PLEKHG4B: variants seen among roughly 807,000 people sequenced by gnomAD.
The protein encoded by PLEKHG4B is pleckstrin homology and RhoGEF domain containing G4B.
Under a neutral mutation model 121.3 loss-of-function variants are expected in PLEKHG4B, and 111 were observed. The observed-to-expected ratio is 0.92, with a 90% confidence interval of 0.78 to 1.07. The LOEUF (loss-of-function observed/expected upper bound fraction) is 1.07. Among genes scored for constraint, PLEKHG4B ranks in the 50% least tolerant of loss-of-function variants. The pLI is 0.00. For missense variants in PLEKHG4B, 1,831 were observed against 1,757.8 expected (o/e 1.04, Z -0.74); for synonymous variants, 738 against 725.0 (o/e 1.02, Z -0.29).
intron 1 of PLEKHG4B, among the ~76,000 whole-genome samples, chr5:98,429 T>G (rs1215758036): frequency 8.4e-6 from 1 of 119,496 alleles, no homozygotes; most frequent in African/African-American, 3.6e-5. Flanking sequence ...CTGTAGCTTT[T>G]TTTTTTTTTT....
intron 2 of PLEKHG4B, among the ~76,000 whole-genome samples, chr5:122,437 T>TTTA (rs1734497151): frequency 6.7e-6 from 1 of 149,280 alleles, no homozygotes; most frequent in Admixed American, 6.8e-5. Flanking sequence ...TTATTTATTT[T>TTTA]TAGATGGAGT....
chr5:169,233 C>G, intron 13 of PLEKHG4B, 107 bp from the exon 14 acceptor site: 1 of 1,477,040 alleles, frequency 6.8e-7, no homozygotes, highest in Admixed American at 1.9e-5. Flanking sequence ...ACATGTGACC[C>G]TGCTCATCCC....
At chr5:105,087 C>T (rs999930489) in intron 1 of PLEKHG4B, among the ~76,000 whole-genome samples, 1 of 151,574 alleles carries the variant, frequency 6.6e-6, no homozygotes, top group Non-Finnish European at 1.5e-5. Flanking sequence ...CTGGTGTTCC[C>T]GTCCTGAAGG....
Position 139,552 on chromosome 5 carries a change from C to T in PLEKHG4B, c.313C>T (p.Gln105Ter), listed in dbSNP as rs1489886879. ...GTGCGCCCATGAGAAGGTGGTGGTGCAGCTGGCGTCCCTGCACGGAGTCAG... is the reference window on the plus strand; with the variant it reads ...GTGCGCCCATGAGAAGGTGGTGGTGTAGCTGGCGTCCCTGCACGGAGTCAG... Reference protein sequence around the residue: ...PLCAHEKVVVQLASLHGVRLQ... With the variant: ...PLCAHEKVVV The change falls in exon 3 of 20, where the codon CAG becomes TAG. Residue 105 changes from glutamine to a stop codon, truncating the protein, a stop_gained. Transcript: ENST00000637938. LOFTEE classifies it high-confidence loss of function. The surrounding 1 kb of genome is among the most constrained non-coding windows in gnomAD (Gnocchi z 5.0). 1 of 398,896 alleles carries T rather than the reference C, an allele frequency of 2.5e-6. No individual in the cohort carries two copies. The highest frequency in any genetic ancestry group is 3.6e-5 in the East Asian group (1 of 28,082). 24.7% of individuals were successfully genotyped at this position (398,896 alleles called of 1,614,324 possible). A position where few individuals can be genotyped will look rare whatever the true frequency, so the allele number is the denominator to read the frequency against.
At chr5:173,457 G>A (rs1333048721) in intron 17 of PLEKHG4B, among the ~76,000 whole-genome samples, 1 of 152,122 alleles carries the variant, frequency 6.6e-6, no homozygotes, top group East Asian at 1.9e-4. Flanking sequence ...GCTGTGCTGA[G>A]GGAGGGGAGG....
In PLEKHG4B at chr5:162,859, G is replaced by T; in HGVS notation, c.2787G>T (p.Lys929Asn). 6.6e-7 allele frequency: 1 copy of T among 1,518,210 alleles called. No homozygotes were observed. The highest frequency in any genetic ancestry group is 8.8e-7 in the Non-Finnish European group (1 of 1,132,302). 94.0% of individuals were successfully genotyped at this position (1,518,210 alleles called of 1,614,324 possible). The change falls in exon 13 of 20, where the codon AAG becomes AAT. Residue 929 changes from lysine to asparagine, a missense_variant. By Grantham distance (94) the Lys-to-Asn change is moderately conservative (BLOSUM62 0). Transcript: ENST00000637938. ...AFPGAGVAVLKPHALGKPWAS... is the reference protein window; with the variant it reads ...AFPGAGVAVLNPHALGKPWAS... ...CCGGGGCAGGTGTGGCAGTGCTGAAGCCTCATGCCCTGGGGAAACCGTGGG... is the reference window on the plus strand; with the variant it reads ...CCGGGGCAGGTGTGGCAGTGCTGAATCCTCATGCCCTGGGGAAACCGTGGG...
chr5:141,948 G>T (rs921606600), intron 3 of PLEKHG4B, among the ~76,000 whole-genome samples: 1 of 152,124 alleles, frequency 6.6e-6, no homozygotes, highest in Non-Finnish European at 1.5e-5. Flanking sequence ...CCAGGGGCTC[G>T]GAGGCAATGG....
intron 3 of PLEKHG4B, among the ~76,000 whole-genome samples, chr5:141,368 T>C (rs1735195110): frequency 6.7e-6 from 1 of 148,174 alleles, no homozygotes; most frequent in Non-Finnish European, 1.5e-5. Context: ...GGGCAGAGTG[T>C]GTTCCCCTCC....
intron 1 of PLEKHG4B, among the ~76,000 whole-genome samples, chr5:111,351 G>A (rs893031271): frequency 1.1e-4 from 16 of 152,268 alleles, no homozygotes; most frequent in Non-Finnish European, 1.8e-4. Flanking sequence ...TCCTGGGGAG[G>A]TGGTGCAGGT....
At chr5:93,411 T>C (rs1013301273) in intron 1 of PLEKHG4B, among the ~76,000 whole-genome samples, 4 of 152,072 alleles carry the variant, frequency 2.6e-5, no homozygotes, top group Non-Finnish European at 4.4e-5. Flanking sequence ...TCTCCGAGAT[T>C]CTGTGATATA....
chr5:142,292 C>G (rs981791356), intron 3 of PLEKHG4B, among the ~76,000 whole-genome samples: 1 of 152,166 alleles, frequency 6.6e-6, no homozygotes, highest in Non-Finnish European at 1.5e-5. Flanking sequence ...AATCTTGCAG[C>G]ACCCCTCGCA....
chr5:163,367 T>G lies in PLEKHG4B; in HGVS notation c.3295T>G (p.Cys1099Gly). The G allele has an allele frequency of 1.9e-6, 3 of 1,613,232 alleles. No individual in the cohort carries two copies. The highest frequency in any genetic ancestry group is 2.5e-6 in the Non-Finnish European group (3 of 1,180,024). Residue 1099 changes from cysteine (C) to glycine (G), a missense_variant, in exon 13 of 20, where the codon TGC (cysteine) becomes GGC (glycine). By Grantham distance (159) the Cys-to-Gly change is radical. Transcript: ENST00000637938. ...PQPDSGPRDSCQPDHTSVFSK... is the reference protein window; with the variant it reads ...PQPDSGPRDSGQPDHTSVFSK... ...GCCCGACAGTGGCCCCAGGGACTCC[T>G]GCCAGCCAGACCATACTAGTGTCTT... is the stretch of plus-strand genomic sequence containing the variant.
At chr5:173,866 G>A in intron 17 of PLEKHG4B, 52 bp from the exon 18 acceptor site, 2 of 1,581,558 alleles carry the variant, frequency 1.3e-6, no homozygotes, top group Non-Finnish European at 1.7e-6. Flanking sequence ...GTAGCCAGTT[G>A]TTCAGAGACC....
At chr5:119,015 T>A (rs775453010) in intron 2 of PLEKHG4B, among the ~76,000 whole-genome samples, 1 of 152,042 alleles carries the variant, frequency 6.6e-6, no homozygotes, top group African/African-American at 2.4e-5. Flanking sequence ...CACACCTGGC[T>A]AATTATTTTA....
chr5:155,989 ACATTCCTGC>A, intron 9 of PLEKHG4B, 73 bp from the exon 10 acceptor site: 3 of 1,331,970 alleles, frequency 2.3e-6, no homozygotes, highest in Non-Finnish European at 3.0e-6. Context: ...TGGAAACAGG[ACATTCCTGC>A]CACTGTCACA....
At chr5:161,717 C>A (rs1254164129) in intron 11 of PLEKHG4B, 66 bp from the exon 12 acceptor site, 1 of 1,607,830 alleles carries the variant, frequency 6.2e-7, no homozygotes. Flanking sequence ...GCAGACCCAG[C>A]CCACACCTGG....
chr5:119,748 A>G (rs1472732104), intron 2 of PLEKHG4B, among the ~76,000 whole-genome samples: 1 of 152,204 alleles, frequency 6.6e-6, no homozygotes, highest in African/African-American at 2.4e-5. Context: ...GAGGGGAGCA[A>G]GCCCACTAGA....
At chr5:176,004 T>C (rs529030688) in intron 18 of PLEKHG4B, among the ~76,000 whole-genome samples, 18 of 111,558 alleles carry the variant, frequency 1.6e-4, no homozygotes, top group African/African-American at 4.9e-4. Context: ...CCTGCACGGC[T>C]GCACCCCGCC....
At chr5:161,392 CT>C (rs1055351587) in intron 11 of PLEKHG4B, among the ~76,000 whole-genome samples, 47 of 152,342 alleles carry the variant, frequency 3.1e-4, no homozygotes, top group Admixed American at 3.9e-4. Context: ...TAGTTTGGAG[CT>C]TGAGCCTCAG....
Sources: allele counts gnomAD v4.1 joint callset (sites outside exome capture counted in the v4.1 genomes callset), GRCh38; gene constraint gnomAD v4.1.1; non-coding constraint Gnocchi (gnomAD v3.1); transcripts MANE v1.5; gene names NCBI Gene and HGNC (gene_info 2026-07-23, HGNC 2026-07-21).